Variants in HMCN1 observed in about 807,000 individuals in gnomAD.
The protein encoded by HMCN1 is hemicentin-1.
In HMCN1, 321 loss-of-function variants were observed where a neutral mutation model predicts 625.9. That is an observed-to-expected ratio of 0.51 (90% confidence interval 0.47 to 0.56). HMCN1 has a LOEUF of 0.56. Among genes scored for constraint, HMCN1 ranks in the 20% least tolerant of loss-of-function variants. HMCN1 has a pLI of 0.00. For missense variants in HMCN1, 6,588 were observed against 6,887.3 expected (o/e 0.96, Z 1.54); for synonymous variants, 2,425 against 2,417.6 (o/e 1.00, Z -0.09).
At chr1:186,039,035 G>T in intron 38 of HMCN1, 30 bp downstream of exon 38, 1 of 1,478,196 alleles carries the variant, frequency 6.8e-7, no homozygotes, top group Non-Finnish European at 9.5e-7. Context: ...GATTCATTCT[G>T]GGGTAAAGAA....
At position 185,878,033 on chromosome 1, in the gene HMCN1, T is replaced by C. The variant is rs1664067422; in HGVS notation, c.621+12170T>C. Among the ~76,000 whole-genome samples, 2 of 152,186 alleles carry C rather than the reference T, an allele frequency of 1.3e-5. 1 individual carries two copies. Among genetic ancestry groups the C allele is most frequent in the South Asian group, 4.1e-4 (2 of 4,828 alleles). ...GGCTGTTGTAAATGAGATTGCATTCTTCATTTGGTTCTCAGCTTTAATGTT... is the reference window on the plus strand; with the variant it reads ...GGCTGTTGTAAATGAGATTGCATTCCTCATTTGGTTCTCAGCTTTAATGTT... On this transcript the variant is annotated intron_variant, in intron 4 of 106. Transcript: ENST00000271588.
chr1:186,061,929 G>C lies in HMCN1; in HGVS notation c.7391G>C (p.Gly2464Ala). 1 of 1,612,720 alleles carries C rather than the reference G, an allele frequency of 6.2e-7. No homozygotes were observed. The highest frequency in any genetic ancestry group is 8.5e-7 in the Non-Finnish European group (1 of 1,178,914). Residue 2464 changes from glycine (G) to alanine (A), a missense_variant, in exon 47 of 107, where the codon GGT becomes GCT. By Grantham distance (60) the Gly-to-Ala change is moderately conservative. Coordinates refer to ENST00000271588, the MANE Select transcript of HMCN1 (RefSeq NM_031935.3). The stretch of plus-strand genomic sequence containing the variant: ...ACTTGCGTTGTAAGGAATGCAGCTG[G>C]TGAAGAAAGAAAAATCTTTGGGCTT... ...QYTCVVRNAA[G>A]EERKIFGLSV... is the part of the protein sequence containing the mutation.
chr1:185,807,459 AT>A (rs1390282517), intron 1 of HMCN1, among the ~76,000 whole-genome samples: 1 of 152,220 alleles, frequency 6.6e-6, no homozygotes, highest in Non-Finnish European at 1.5e-5. Flanking sequence ...TCAAGAACAC[AT>A]TCATACATAT....
Position 185,751,020 on chromosome 1 carries a change from C to T in HMCN1, c.268+15973C>T, listed in dbSNP as rs1474804148. Among the ~76,000 whole-genome samples, 5 of 152,014 alleles carry T rather than the reference C, an allele frequency of 3.3e-5. No individual in the cohort carries two copies. The East Asian group carries it at 9.6e-4, about 29-fold the overall frequency. On this transcript the variant is annotated intron_variant, in intron 1 of 106. Coordinates refer to ENST00000271588, the MANE Select transcript of HMCN1 (RefSeq NM_031935.3). ...CCTACTTTCTGTAGTATGGTTATTT[C>T]ACTTTGTTTTTAAACACACCCAAAT...
chr1:185,822,982 C>T (rs1468377470), intron 1 of HMCN1, among the ~76,000 whole-genome samples: 1 of 152,074 alleles, frequency 6.6e-6, no homozygotes, highest in African/African-American at 2.4e-5. Context: ...ATATATTTCA[C>T]TCATCTCCTC....
intron 45 of HMCN1, among the ~76,000 whole-genome samples, chr1:186,056,855 C>T (rs1201297522): frequency 1.3e-5 from 2 of 151,756 alleles, no homozygotes; most frequent in Non-Finnish European, 1.5e-5. Context: ...ACAGAATATA[C>T]CCATGTAACA....
At chr1:186,115,062 T>C (rs1357218132) in intron 74 of HMCN1, 116 bp downstream of exon 74, 5 of 1,483,348 alleles carry the variant, frequency 3.4e-6, no homozygotes, top group Admixed American at 1.7e-5. Flanking sequence ...ATTTACATTA[T>C]GGTATGAATA....
intron 12 of HMCN1, 22 bp from the exon 13 acceptor site, chr1:185,963,746 T>G (rs748163306): frequency 1.3e-6 from 2 of 1,537,242 alleles, no homozygotes; most frequent in Admixed American, 3.3e-5. Context: ...AATTTTATAT[T>G]CTTTTTGTTT....
chr1:185,965,725 G>A, intron 13 of HMCN1, 77 bp from the exon 14 acceptor site: 1 of 858,344 alleles, frequency 1.2e-6, no homozygotes, highest in Non-Finnish European at 2.0e-6. Flanking sequence ...TTTTAAATTG[G>A]TTCATTTAGT....
intron 40 of HMCN1, among the ~76,000 whole-genome samples, chr1:186,044,399 C>T (rs997494185): frequency 7.2e-5 from 11 of 152,028 alleles, no homozygotes; most frequent in African/African-American, 1.9e-4. Context: ...GTCCTGCACC[C>T]CAAAACAGTG....
rs560147090 is a variant in HMCN1, at chr1:186,112,841, A to G, written c.11019A>G (p.Gly3673=). The change falls in exon 72 of 107, where the codon GGA becomes GGG. Residue 3673 remains glycine (G), a synonymous_variant. Coordinates refer to ENST00000271588, the MANE Select transcript of HMCN1 (RefSeq NM_031935.3). ...CACCTCGAGTGCGAATCCTATCTGG[A>G]GGGAGATACTTGCAAATCAACAATG... The part of the protein sequence containing the change: ...QATPRVRILS[G]GRYLQINNAD... The G allele has an allele frequency of 3.2e-5, 51 of 1,614,178 alleles. No individual in the cohort carries two copies. The South Asian group carries it at 5.2e-4, about 16-fold the overall frequency.
At chr1:186,171,045 C>T (rs936246691) in intron 100 of HMCN1, among the ~76,000 whole-genome samples, 6 of 152,132 alleles carry the variant, frequency 3.9e-5, no homozygotes, top group African/African-American at 7.2e-5. Flanking sequence ...CTGGAACTTC[C>T]GAGAAACAGG....
intron 41 of HMCN1, among the ~76,000 whole-genome samples, chr1:186,047,057 A>G (rs1211011720): frequency 1.3e-5 from 2 of 152,148 alleles, no homozygotes; most frequent in Non-Finnish European, 2.9e-5. Flanking sequence ...AGTCTTGAGA[A>G]ATAGATGACG....
chr1:186,017,639 A>T (rs1367847412), intron 33 of HMCN1, among the ~76,000 whole-genome samples: 1 of 152,070 alleles, frequency 6.6e-6, no homozygotes, highest in African/African-American at 2.4e-5. Flanking sequence ...TGAAATTCAG[A>T]AATGTAAAAA....
chr1:186,138,062 T>C, intron 89 of HMCN1, 90 bp downstream of exon 89: 2 of 1,373,442 alleles, frequency 1.5e-6, no homozygotes, highest in African/African-American at 2.9e-5. Flanking sequence ...TTCTTCATTG[T>C]AAAAAGATGT....
In HMCN1 at chr1:186,093,638, A is replaced by G. The variant is rs375081393; in HGVS notation, c.10165A>G (p.Ile3389Val). ...ACTTCCTCTGCCTCTCTCCTCCCAT[A>G]TCCGGTTACTGGCAGCAGGACAAGT... ...NGLPLPLSSH[I>V]RLLAAGQVIR... The change falls in exon 66 of 107, where the codon ATC becomes GTC. Residue 3389 changes from isoleucine to valine, a missense_variant. Around this residue, in one of 3 missense-constraint regions of HMCN1, gnomAD observed 4,628 missense variants for 4,853.1 expected, o/e 0.95. Coordinates refer to ENST00000271588, the MANE Select transcript of HMCN1 (RefSeq NM_031935.3). 49 of 1,613,150 alleles carry G rather than the reference A, an allele frequency of 3.0e-5. No homozygotes were observed. Among genetic ancestry groups the G allele is most frequent in the Non-Finnish European group, 4.0e-5 (47 of 1,179,528 alleles).
At position 185,925,100 on chromosome 1, in the gene HMCN1, G is replaced by A; in HGVS notation, c.1339G>A (p.Gly447Ser). The change falls in exon 9 of 107, where the codon GGC becomes AGC. Residue 447 changes from glycine to serine, a missense_variant. Gly to Ser is a moderately conservative substitution (Grantham distance 56). Coordinates refer to ENST00000271588, the MANE Select transcript of HMCN1 (RefSeq NM_031935.3). ...AACCCCAGGATACTATCTGCAGCCG[G>A]GCCAAATTCCCTGCTCTGTTGACAG... The part of the protein sequence containing the change: ...EKTPGYYLQP[G>S]QIPCSVDSLL... 1.2e-6 allele frequency: 2 copies of A among 1,613,880 alleles called. No individual in the cohort carries two copies. The highest frequency in any genetic ancestry group is 1.7e-5 in the Admixed American group (1 of 60,002).
chr1:185,927,181 G>T (rs186041643), intron 9 of HMCN1, among the ~76,000 whole-genome samples: 1 of 152,116 alleles, frequency 6.6e-6, no homozygotes, highest in Non-Finnish European at 1.5e-5. Flanking sequence ...TCTAATGTAT[G>T]CTCAGCTTTT....
chr1:185,817,426 A>G (rs1401876958), intron 1 of HMCN1, among the ~76,000 whole-genome samples: 2 of 152,134 alleles, frequency 1.3e-5, no homozygotes, highest in Non-Finnish European at 2.9e-5. Flanking sequence ...CAATAAGCAG[A>G]AAGATTGGGC....
Sources: gnomAD v4.1 joint callset for allele counts (sites outside exome capture counted in the v4.1 genomes callset) on GRCh38, gnomAD v4.1.1 for gene constraint, gnomAD v4.1.1 regional missense constraint, MANE v1.5 for transcripts, NCBI Gene and HGNC (gene_info 2026-07-23, HGNC 2026-07-21) for gene names.